Variants in RABEPK observed in about 807,000 individuals in gnomAD.
RABEPK encodes the protein Rab9 effector protein with kelch motifs.
RABEPK carries 27 observed loss-of-function variants against 34.1 expected under a neutral mutation model. The observed-to-expected ratio is 0.79, with a 90% CI of 0.58 to 1.09. The LOEUF (loss-of-function observed/expected upper bound fraction) is 1.09, where lower values mean the gene tolerates loss of function less well. Among genes scored for constraint, RABEPK ranks in the 50% least tolerant of loss-of-function variants. The pLI, the probability that RABEPK is intolerant of heterozygous loss-of-function variation, is 0.00. For missense variants in RABEPK, 449 were observed against 462.6 expected (o/e 0.97, Z 0.27); for synonymous variants, 172 against 169.2 (o/e 1.02, Z -0.13).
intron 4 of RABEPK, among the ~76,000 whole-genome samples, chr9:125,217,266 T>C (rs1268378139): frequency 6.6e-6 from 1 of 152,196 alleles, no homozygotes; most frequent in East Asian, 1.9e-4. Context: ...GTAGTTGATG[T>C]AGTTAAGGTT....
At chr9:125,215,171 C>T (rs1476061387) in intron 4 of RABEPK, among the ~76,000 whole-genome samples, 3 of 148,038 alleles carry the variant, frequency 2.0e-5, no homozygotes, top group African/African-American at 7.4e-5. Context: ...TAACTTTTTC[C>T]TTTTAATTTC....
At chr9:125,213,178 G>T (rs977401051) in intron 3 of RABEPK, among the ~76,000 whole-genome samples, 192 bp from the exon 4 acceptor site, 1 of 152,080 alleles carries the variant, frequency 6.6e-6, no homozygotes, top group East Asian at 1.9e-4. Flanking sequence ...CATAGAACGG[G>T]GTCTATGGAC....
intron 5 of RABEPK, among the ~76,000 whole-genome samples, chr9:125,223,300 G>A (rs559043240): frequency 3.4e-4 from 51 of 151,208 alleles, no homozygotes; most frequent in African/African-American, 7.0e-4. Context: ...TTAGCTGGAC[G>A]TGGTGGCAGG....
rs1830556358 is a variant in RABEPK, at chr9:125,210,970, C to T, written c.212-2400C>T. Among the ~76,000 whole-genome samples the T allele has an allele frequency of 2.0e-5, 3 of 148,820 alleles. No individual in the cohort carries two copies. The South Asian group carries it at 6.4e-4, about 32-fold the overall frequency. ...CTCCTGGGCCGGGCATGGTGGCTCA[C>T]CATGCTGTAATCCCAGCACTTTGGG... On this transcript the variant is annotated intron_variant, in intron 3 of 7. Transcript: ENST00000373538.
intron 6 of RABEPK, among the ~76,000 whole-genome samples, chr9:125,232,245 C>CAGAG (rs61328963): frequency 3.0e-4 from 45 of 149,900 alleles, no homozygotes; most frequent in African/African-American, 4.7e-4. Context: ...CACACACACA[C>CAGAG]AGAGACAGAG....
chr9:125,207,665 T>C lies in RABEPK; in HGVS notation c.155T>C (p.Ile52Thr). The C allele has an allele frequency of 1.2e-6, 2 of 1,614,152 alleles. No individual in the cohort carries two copies. Among genetic ancestry groups the C allele is most frequent in the Non-Finnish European group, 1.7e-6 (2 of 1,180,008 alleles). Reference sequence around the variant, plus strand: ...AATGCCAAGAGAGGGAAGGTCTTCATTGTTGGGGGAGCAAATCCAAACAGA... The same window carrying C: ...AATGCCAAGAGAGGGAAGGTCTTCACTGTTGGGGGAGCAAATCCAAACAGA... ...VGNAKRGKVF[I>T]VGGANPNRSF... Residue 52 changes from isoleucine to threonine, a missense_variant, in exon 3 of 8, where the codon ATT (isoleucine) becomes ACT (threonine). By Grantham distance (89) the Ile-to-Thr change is moderately conservative. Coordinates refer to ENST00000373538, the MANE Select transcript of RABEPK (RefSeq NM_005833.4).
chr9:125,223,752 A>G (rs944239564), intron 5 of RABEPK, among the ~76,000 whole-genome samples: 2 of 151,266 alleles, frequency 1.3e-5, no homozygotes, highest in African/African-American at 2.4e-5. Context: ...AAAAAATGCT[A>G]TAAGGAACAT....
In RABEPK at chr9:125,227,908, A is replaced by G. The variant is rs1384843433; in HGVS notation, c.527-2A>G. On this transcript the variant is annotated splice_acceptor_variant, in intron 5 of 7. Transcript: ENST00000373538. LOFTEE classifies it high-confidence loss of function. ...TTGATGTTATTGAATTTACTTTTCT[A>G]GACACTCTGACCTGGTCACAGCCAG... 4 of 1,557,894 alleles carry G rather than the reference A, an allele frequency of 2.6e-6. No individual in the cohort carries two copies. The highest frequency in any genetic ancestry group is 1.7e-4 in the Middle Eastern group (1 of 5,848).
chr9:125,209,320 A>G (rs112960173), intron 3 of RABEPK, among the ~76,000 whole-genome samples: 1 of 150,130 alleles, frequency 6.7e-6, no homozygotes, highest in African/African-American at 2.5e-5. Context: ...CATCCTCCCA[A>G]AGTGCTGGGA....
chr9:125,210,955 G>A (rs1476092122), intron 3 of RABEPK, among the ~76,000 whole-genome samples: 5 of 147,512 alleles, frequency 3.4e-5, no homozygotes, highest in African/African-American at 5.0e-5. Context: ...CTCCTGGGCC[G>A]GGCATGGTGG....
chr9:125,202,709 A>T (rs1237302350), intron 1 of RABEPK, among the ~76,000 whole-genome samples: 1 of 152,020 alleles, frequency 6.6e-6, no homozygotes, highest in Non-Finnish European at 1.5e-5. Flanking sequence ...ACATGCCTGT[A>T]ATCCAAGCTA....
chr9:125,206,466 C>T (rs1024012012), intron 2 of RABEPK, among the ~76,000 whole-genome samples: 1 of 151,598 alleles, frequency 6.6e-6, no homozygotes, highest in African/African-American at 2.4e-5. Context: ...CCACTGCACT[C>T]CAGCCTGGGC....
intron 6 of RABEPK, among the ~76,000 whole-genome samples, chr9:125,229,268 A>G (rs1359003135): frequency 6.6e-6 from 1 of 150,980 alleles, no homozygotes; most frequent in Non-Finnish European, 1.5e-5. Flanking sequence ...AAAAAAAGAA[A>G]AAAAGAAAAA....
chr9:125,228,954 C>T (rs1831979530), intron 6 of RABEPK, among the ~76,000 whole-genome samples: 1 of 149,668 alleles, frequency 6.7e-6, no homozygotes, highest in South Asian at 2.1e-4. Flanking sequence ...CAGAGTGAGA[C>T]TCCATCTCAG....
intron 6 of RABEPK, among the ~76,000 whole-genome samples, chr9:125,232,141 C>T (rs537567260): frequency 4.3e-4 from 66 of 151,766 alleles, no homozygotes; most frequent in Non-Finnish European, 5.9e-4. Context: ...TCAGGTGATC[C>T]GCCCGCCTCG....
At chr9:125,207,540 C>T in intron 2 of RABEPK, 24 bp from the exon 3 acceptor site, 6 of 1,610,436 alleles carry the variant, frequency 3.7e-6, no homozygotes, top group Non-Finnish European at 5.1e-6. Context: ...CTCAGGCCTC[C>T]TGAATACATC....
chr9:125,226,925 T>C (rs1352877345), intron 5 of RABEPK, among the ~76,000 whole-genome samples: 3 of 151,238 alleles, frequency 2.0e-5, no homozygotes, highest in African/African-American at 7.3e-5. Context: ...ATCCCAGCAC[T>C]TTGGGAGGCC....
At chr9:125,215,903 G>A (rs115521055) in intron 4 of RABEPK, among the ~76,000 whole-genome samples, 1,993 of 152,238 alleles carry the variant, frequency 0.013, 45 homozygotes, top group African/African-American at 0.046. Flanking sequence ...CTCTCCAACT[G>A]TGTTTAACAG....
At chr9:125,211,911 G>A (rs917335153) in intron 3 of RABEPK, among the ~76,000 whole-genome samples, 3 of 152,102 alleles carry the variant, frequency 2.0e-5, no homozygotes, top group African/African-American at 7.2e-5. Flanking sequence ...AGAGGTTGCA[G>A]TGAGCCGAGA....
Sources: gnomAD v4.1 joint callset for allele counts (sites outside exome capture counted in the v4.1 genomes callset) on GRCh38, gnomAD v4.1.1 for gene constraint, MANE v1.5 for transcripts, NCBI Gene and HGNC (gene_info 2026-07-23, HGNC 2026-07-21) for gene names.